SEC61B: variants seen among roughly 807,000 people sequenced by gnomAD.
SEC61B encodes SEC61 translocon subunit beta, also known as protein transport protein Sec61 subunit beta.
A neutral mutation model predicts 12.6 loss-of-function variants in SEC61B; 7 were observed. The ratio of observed to expected loss-of-function variants is 0.55; its 90% CI spans 0.32 to 1.04. SEC61B has a LOEUF of 1.04. SEC61B is among the 50% of genes least tolerant of loss of function. The pLI is 0.05. For synonymous variants in SEC61B, 54 were observed against 50.1 expected (o/e 1.08, Z -0.33); for missense variants, 107 against 130.1 (o/e 0.82, Z 0.86).
chr9:99,226,974 T>G (rs1171783532), intron 2 of SEC61B, among the ~76,000 whole-genome samples: 2 of 152,032 alleles, frequency 1.3e-5, no homozygotes, highest in Non-Finnish European at 2.9e-5. Flanking sequence ...TATATTAAAA[T>G]AGTGAAAACA....
At chr9:99,222,741 A>C in intron 2 of SEC61B, 98 bp downstream of exon 2, 13 of 843,656 alleles carry the variant, frequency 1.5e-5, no homozygotes, top group Non-Finnish European at 2.1e-5. Context: ...AAGATTGACA[A>C]AGGCAAAATG....
chr9:99,222,938 A>C (rs994656555), intron 2 of SEC61B: 3 of 299,396 alleles, frequency 1.0e-5, no homozygotes, highest in Non-Finnish European at 1.2e-5. Context: ...TGAGGTTTGC[A>C]CTCACATTTC....
At chr9:99,228,502 C>T (rs1282985171) in intron 3 of SEC61B, among the ~76,000 whole-genome samples, 3 of 152,138 alleles carry the variant, frequency 2.0e-5, no homozygotes, top group African/African-American at 7.2e-5. Flanking sequence ...GGAGGGTGAA[C>T]ATGTAATACC....
In SEC61B at chr9:99,222,287, C is replaced by G. The variant is rs941939105; in HGVS notation, c.-77C>G. On this transcript the variant is annotated 5_prime_UTR_variant, in exon 1 of 4. Coordinates refer to ENST00000223641, the MANE Select transcript of SEC61B (RefSeq NM_006808.3). The stretch of plus-strand genomic sequence containing the variant: ...CCGGGGGCGGGGCCTGAGTCAGTCT[C>G]GCCAGCTGCCGGTCTTTCGGGGGCT... The G allele has an allele frequency of 7.5e-6, 12 of 1,608,878 alleles. No individual in the cohort carries two copies. The highest frequency in any genetic ancestry group is 2.2e-5 in the East Asian group (1 of 44,852).
At chr9:99,222,764 C>T in intron 2 of SEC61B, 121 bp downstream of exon 2, 1 of 712,318 alleles carries the variant, frequency 1.4e-6, no homozygotes, top group Non-Finnish European at 2.2e-6. Context: ...CTTCTAGTGA[C>T]GTGGCCGTGG....
At chr9:99,222,787 G>A (rs1828845979) in intron 2 of SEC61B, 144 bp downstream of exon 2, 1 of 608,896 alleles carries the variant, frequency 1.6e-6, no homozygotes, top group Admixed American at 3.4e-5. Flanking sequence ...GTAGTTAAAG[G>A]CCTTTTGGGA....
chr9:99,225,396 A>C (rs1395015612), intron 2 of SEC61B, among the ~76,000 whole-genome samples: 1 of 152,190 alleles, frequency 6.6e-6, no homozygotes, highest in Non-Finnish European at 1.5e-5. Flanking sequence ...TGAAAGAAGC[A>C]AGAGAGCAAA....
intron 2 of SEC61B, among the ~76,000 whole-genome samples, chr9:99,226,924 T>G (rs1475661413): frequency 1.3e-5 from 2 of 152,096 alleles, no homozygotes; most frequent in African/African-American, 4.8e-5. Flanking sequence ...TCCCTGCGTT[T>G]TTTTTACATT....
Position 99,222,295 on chromosome 9 carries a change from G to T in SEC61B, c.-69G>T, listed in dbSNP as rs536201035. ...GGGGCCTGAGTCAGTCTCGCCAGCT[G>T]CCGGTCTTTCGGGGGCTCCGTAACT... On this transcript the variant is annotated 5_prime_UTR_variant, in exon 1 of 4. Coordinates refer to ENST00000223641, the MANE Select transcript of SEC61B (RefSeq NM_006808.3). 6.2e-7 allele frequency: 1 copy of T among 1,612,700 alleles called. No homozygotes were observed. The highest frequency in any genetic ancestry group is 2.2e-5 in the East Asian group (1 of 44,856).
At position 99,230,554 on chromosome 9, in the gene SEC61B, A is replaced by C. The variant is rs3765553; in HGVS notation, c.*130A>C. On this transcript the variant is annotated 3_prime_UTR_variant, in exon 4 of 4. Coordinates refer to ENST00000223641, the MANE Select transcript of SEC61B (RefSeq NM_006808.3). ...CTTGCTGTTTTACAGGGGATTTATC[A>C]ATAATTGATTTTGAGGAATCAGTTT... is the stretch of plus-strand genomic sequence containing the variant. The C allele has an allele frequency of 2.1e-3, 1,390 of 650,762 alleles. 27 individuals carry two copies. The East Asian group carries it at 0.038, about 18-fold the overall frequency. The allele number at this position is 650,762 out of a possible 1,614,324, so 40.3% of individuals were successfully genotyped here.
At chr9:99,222,445 A>C in intron 1 of SEC61B, 79 bp downstream of exon 1, 1 of 1,609,700 alleles carries the variant, frequency 6.2e-7, no homozygotes. Context: ...TTTCCTCTGT[A>C]GCTCCCTTGC....
chr9:99,230,329 A>T lies in SEC61B; in HGVS notation c.204-8A>T, dbSNP rs750397172. 1.9e-6 allele frequency: 3 copies of T among 1,568,698 alleles called. No individual in the cohort carries two copies. The highest frequency in any genetic ancestry group is 2.6e-6 in the Non-Finnish European group (3 of 1,145,808). ...AAAAGTAAGCATGCTTTCTCTTCTT[A>T]TTTCTAGTGGCCCTGTTCCAGTATT... On this transcript the variant is annotated splice_polypyrimidine_tract_variant and splice_region_variant and intron_variant, in intron 3 of 3. Coordinates refer to ENST00000223641, the MANE Select transcript of SEC61B (RefSeq NM_006808.3).
intron 2 of SEC61B, among the ~76,000 whole-genome samples, chr9:99,225,926 A>G (rs1167973928): frequency 6.6e-6 from 1 of 152,224 alleles, no homozygotes; most frequent in Non-Finnish European, 1.5e-5. Context: ...CACTGGGTTT[A>G]TCTTCTAGCT....
intron 1 of SEC61B, 24 bp from the exon 2 acceptor site, chr9:99,222,522 C>T: frequency 6.2e-7 from 1 of 1,602,310 alleles, no homozygotes; most frequent in Non-Finnish European, 8.5e-7. Flanking sequence ...GCTCACCCGT[C>T]TGTCTGCTTG....
chr9:99,230,045 G>A (rs1370184460), intron 3 of SEC61B, among the ~76,000 whole-genome samples: 1 of 152,098 alleles, frequency 6.6e-6, no homozygotes, highest in Non-Finnish European at 1.5e-5. Context: ...CATGAAATTA[G>A]ATTAATGTCT....
chr9:99,224,388 G>A (rs1360546662), intron 2 of SEC61B, among the ~76,000 whole-genome samples: 1 of 152,118 alleles, frequency 6.6e-6, no homozygotes, highest in African/African-American at 2.4e-5. Context: ...TTTCGTGCAG[G>A]AATGGAAAAC....
At chr9:99,229,974 G>C (rs1024508410) in intron 3 of SEC61B, among the ~76,000 whole-genome samples, 5 of 152,048 alleles carry the variant, frequency 3.3e-5, no homozygotes, top group South Asian at 2.1e-4. Flanking sequence ...AAAAAAGTTT[G>C]GTAATGGGTT....
intron 2 of SEC61B, chr9:99,222,976 C>T (rs1828849375): frequency 4.3e-6 from 1 of 233,620 alleles, no homozygotes; most frequent in Non-Finnish European, 8.3e-6. Context: ...AGCAATCTGT[C>T]CTACAGATAA....
In SEC61B at chr9:99,222,289, C is replaced by A; in HGVS notation, c.-75C>A. 1 of 1,610,852 alleles carries A rather than the reference C, an allele frequency of 6.2e-7. No individual in the cohort carries two copies. Among genetic ancestry groups the A allele is most frequent in the Non-Finnish European group, 8.5e-7 (1 of 1,177,224 alleles). On this transcript the variant is annotated 5_prime_UTR_variant, in exon 1 of 4. Coordinates refer to ENST00000223641, the MANE Select transcript of SEC61B (RefSeq NM_006808.3). ...GGGGGCGGGGCCTGAGTCAGTCTCG[C>A]CAGCTGCCGGTCTTTCGGGGGCTCC...
Sources: gnomAD v4.1 joint callset for allele counts (sites outside exome capture counted in the v4.1 genomes callset) on GRCh38, gnomAD v4.1.1 for gene constraint, MANE v1.5 for transcripts, NCBI Gene and HGNC (gene_info 2026-07-23, HGNC 2026-07-21) for gene names.